EYS: variants seen among roughly 807,000 people sequenced by gnomAD.
The protein encoded by EYS is protein eyes shut homolog.
In EYS, 250 loss-of-function variants were observed where a neutral mutation model predicts 282.1. That is an observed-to-expected ratio of 0.89 (90% confidence interval 0.80 to 0.98). The LOEUF (loss-of-function observed/expected upper bound fraction) is 0.98, where lower values mean the gene tolerates loss of function less well. EYS is among the 50% of genes least tolerant of loss of function. The pLI, the probability that EYS is intolerant of heterozygous loss-of-function variation, is 0.00. For synonymous variants in EYS, 1,355 were observed against 1,282.9 expected, an observed-to-expected ratio of 1.06 and a Z score of -1.20; for missense variants, 4,016 against 3,709.0, an observed-to-expected ratio of 1.08 and a Z score of -2.15.
chr6:65,470,531 C>T lies in EYS; in HGVS notation c.862+20063G>A, dbSNP rs556792730. Among the ~76,000 whole-genome samples, 11 of 152,192 alleles carry T rather than the reference C, an allele frequency of 7.2e-5. No individual in the cohort carries two copies. The South Asian group carries it at 2.3e-3, about 32-fold the overall frequency. ...CAATTTTTTTGCATTAAAAGCAATA[C>T]TCATTAATCAAGAATACAATATATT... On this transcript the variant is annotated intron_variant, in intron 5 of 42. Transcript: ENST00000503581.
rs995371445 is a variant in EYS at position 65,694,275 on chromosome 6, A to T, written c.-448+12860T>A. Among the ~76,000 whole-genome samples the T allele has an allele frequency of 6.7e-4, 99 of 147,868 alleles. 6 individuals are homozygous for T. Among genetic ancestry groups the T allele is most frequent in the Admixed American group, 1.6e-3 (24 of 14,808 alleles). On this transcript the variant is annotated intron_variant, in intron 1 of 42. Coordinates refer to ENST00000503581, the MANE Select transcript of EYS (RefSeq NM_001142800.2). ...CTCTATCTCAAAAAAAATAAAAAATAAAAAAATATATATATATGTATAATA... is the reference window on the plus strand; with the variant it reads ...CTCTATCTCAAAAAAAATAAAAAATTAAAAAATATATATATATGTATAATA...
chr6:64,089,236 C>T (rs990725835), intron 31 of EYS, among the ~76,000 whole-genome samples: 7 of 151,146 alleles, frequency 4.6e-5, no homozygotes, highest in African/African-American at 1.5e-4. Context: ...AAATGAATAT[C>T]ACCAGTTTAT....
At chr6:65,618,094 T>C (rs1225560260) in intron 2 of EYS, among the ~76,000 whole-genome samples, 1 of 152,166 alleles carries the variant, frequency 6.6e-6, no homozygotes, top group Admixed American at 6.5e-5. Flanking sequence ...GGTCAAATGG[T>C]ATTTCTAGTT....
At chr6:65,336,074 G>T (rs1050798364) in intron 10 of EYS, among the ~76,000 whole-genome samples, 4 of 151,642 alleles carry the variant, frequency 2.6e-5, no homozygotes, top group African/African-American at 9.7e-5. Flanking sequence ...TGCCATGATT[G>T]TAAGTTTTCT....
In EYS at chr6:64,898,185, A is replaced by G. The variant is rs575195394; in HGVS notation, c.2846+3928T>C. 2.9e-3 allele frequency among the ~76,000 whole-genome samples: 441 copies of G among 152,300 alleles called. 2 individuals carry two copies. Among genetic ancestry groups the G allele is most frequent in the Non-Finnish European group, 4.7e-3 (320 of 68,030 alleles). On this transcript the variant is annotated intron_variant, in intron 18 of 42. Transcript: ENST00000503581. ...CACCAAGGCTGAAATGAAGGAAAAAATGTTAAGGGCAGCCAGAGAGAAAGG... is the reference window on the plus strand; with the variant it reads ...CACCAAGGCTGAAATGAAGGAAAAAGTGTTAAGGGCAGCCAGAGAGAAAGG...
chr6:64,035,821 T>C (rs1770095373), intron 33 of EYS, among the ~76,000 whole-genome samples: 1 of 152,248 alleles, frequency 6.6e-6, no homozygotes, highest in African/African-American at 2.4e-5. Flanking sequence ...ATTCTATTAC[T>C]TTTAACCTTA....
intron 41 of EYS, among the ~76,000 whole-genome samples, chr6:63,759,407 C>T (rs541762427): frequency 5.3e-5 from 8 of 152,208 alleles, no homozygotes; most frequent in Admixed American, 2.6e-4. Context: ...CATTTAAATG[C>T]TCACAAACCT....
intron 26 of EYS, among the ~76,000 whole-genome samples, chr6:64,509,479 CT>C (rs1777315731): frequency 6.6e-6 from 1 of 152,112 alleles, no homozygotes; most frequent in African/African-American, 2.4e-5. Flanking sequence ...TTAGTTCTTC[CT>C]TTGCTCATGG....
At chr6:64,525,253 A>C (rs1777879716) in intron 26 of EYS, among the ~76,000 whole-genome samples, 1 of 151,830 alleles carries the variant, frequency 6.6e-6, no homozygotes, top group South Asian at 2.1e-4. Context: ...TATTCACAAG[A>C]GCAAGACATG....
intron 33 of EYS, among the ~76,000 whole-genome samples, chr6:64,005,711 T>C (rs1208240022): frequency 6.6e-6 from 1 of 152,202 alleles, no homozygotes; most frequent in Non-Finnish European, 1.5e-5. Context: ...CCCTGCACCA[T>C]TTATTGAATA....
In EYS at chr6:64,813,546, C is replaced by A. The variant is rs1055321734; in HGVS notation, c.3275G>T (p.Gly1092Val). The A allele has an allele frequency of 3.2e-6, 5 of 1,549,352 alleles. No individual in the cohort carries two copies. Among genetic ancestry groups the A allele is most frequent in the East Asian group, 2.4e-5 (1 of 40,866 alleles). Reference sequence around the variant, plus strand: ...TCCATGTGCTGACTTCTGACAGAAGCCTTCATTCATACAAGGGATTGATGT... The same window carrying A: ...TCCATGTGCTGACTTCTGACAGAAGACTTCATTCATACAAGGGATTGATGT... ...DCTSIPCMNE[G>V]FCQKSAHGFT... Residue 1092 changes from glycine to valine, a missense_variant, in exon 22 of 43, where the codon GGC (glycine) becomes GTC (valine). Coordinates refer to ENST00000503581, the MANE Select transcript of EYS (RefSeq NM_001142800.2).
chr6:64,931,530 A>T (rs1422834990), intron 15 of EYS, among the ~76,000 whole-genome samples: 1 of 152,096 alleles, frequency 6.6e-6, no homozygotes, highest in Non-Finnish European at 1.5e-5. Context: ...TTTGTTGTAC[A>T]TATAAATATA....
intron 1 of EYS, among the ~76,000 whole-genome samples, chr6:65,700,127 A>AAAAAAAAAAC: frequency 6.7e-6 from 1 of 150,314 alleles, no homozygotes; most frequent in African/African-American, 2.4e-5. Context: ...AAAAAAAAAA[A>AAAAAAAAAAC]AAAAAAAAAA....
At chr6:64,881,861 GCTTA>G (rs1766930618) in intron 19 of EYS, among the ~76,000 whole-genome samples, 1 of 151,602 alleles carries the variant, frequency 6.6e-6, no homozygotes. Flanking sequence ...TGATTTAAGG[GCTTA>G]CTTAAATAAA....
intron 31 of EYS, among the ~76,000 whole-genome samples, chr6:64,134,393 TTAA>T (rs1223848135): frequency 6.6e-6 from 1 of 151,238 alleles, no homozygotes; most frequent in East Asian, 1.9e-4. Flanking sequence ...AAAAAAAAAA[TTAA>T]TAATAGCAAA....
At chr6:65,127,576 C>CTGTTTT (rs1345866123) in intron 12 of EYS, among the ~76,000 whole-genome samples, 1 of 152,064 alleles carries the variant, frequency 6.6e-6, no homozygotes, top group East Asian at 1.9e-4. Flanking sequence ...AAACAATTTA[C>CTGTTTT]TGTAGCTGTG....
At chr6:64,179,557 C>T (rs993107872) in intron 31 of EYS, among the ~76,000 whole-genome samples, 3 of 152,052 alleles carry the variant, frequency 2.0e-5, no homozygotes, top group Non-Finnish European at 4.4e-5. Flanking sequence ...AGGCCTGGCA[C>T]TTAGTAGGTA....
intron 30 of EYS, among the ~76,000 whole-genome samples, chr6:64,236,368 G>T (rs1468794694): frequency 6.6e-6 from 1 of 152,094 alleles, no homozygotes; most frequent in Admixed American, 6.6e-5. Flanking sequence ...TTTGGCTATT[G>T]TAAATAATAC....
At chr6:65,220,753 C>A (rs535317767) in intron 12 of EYS, among the ~76,000 whole-genome samples, 1 of 151,996 alleles carries the variant, frequency 6.6e-6, no homozygotes, top group African/African-American at 2.4e-5. Context: ...CAGAGGAAGA[C>A]AGAAAGATGT....
Sources: gnomAD v4.1 joint callset for allele counts (sites outside exome capture counted in the v4.1 genomes callset) on GRCh38, gnomAD v4.1.1 for gene constraint, MANE v1.5 for transcripts, NCBI Gene and HGNC (gene_info 2026-07-23, HGNC 2026-07-21) for gene names.